SLC9A9: variants seen among roughly 807,000 people sequenced by gnomAD.
The protein encoded by SLC9A9 is solute carrier family 9 member A9.
SLC9A9 carries 62 observed loss-of-function variants against 77.8 expected under a neutral mutation model. That is an observed-to-expected ratio of 0.80 (90% CI 0.65 to 0.98). The LOEUF is 0.98. Ranked by LOEUF, SLC9A9 falls within the 50% of genes least tolerant of loss-of-function variation. SLC9A9 has a pLI of 0.00. For missense variants in SLC9A9, 775 were observed against 774.9 expected (o/e 1.00, Z 0.00); for synonymous variants, 320 against 283.5 (o/e 1.13, Z -1.29).
At chr3:143,493,063 AT>A (rs1283313244) in intron 11 of SLC9A9, among the ~76,000 whole-genome samples, 3 of 152,210 alleles carry the variant, frequency 2.0e-5, no homozygotes, top group African/African-American at 7.2e-5. Flanking sequence ...TAGAACACAA[AT>A]GTCTTGAGAA....
chr3:143,779,490 G>C (rs1261217292), intron 4 of SLC9A9, among the ~76,000 whole-genome samples: 1 of 152,136 alleles, frequency 6.6e-6, no homozygotes, highest in Admixed American at 6.5e-5. Context: ...TCCTGCCTCA[G>C]CCTCTGGAGT....
At chr3:143,532,301 C>T (rs1159948000) in intron 9 of SLC9A9, among the ~76,000 whole-genome samples, 1 of 152,122 alleles carries the variant, frequency 6.6e-6, no homozygotes, top group Non-Finnish European at 1.5e-5. Flanking sequence ...ACCACTGAAC[C>T]TGGTGTAGAG....
intron 2 of SLC9A9, among the ~76,000 whole-genome samples, chr3:143,802,492 T>A (rs1466621075): frequency 6.6e-6 from 1 of 152,164 alleles, no homozygotes; most frequent in Non-Finnish European, 1.5e-5. Flanking sequence ...TACCTCTTGG[T>A]CTGGGTAGAC....
In SLC9A9 at chr3:143,412,866, G is replaced by A. The variant is rs572957636; in HGVS notation, c.1470-30752C>T. On this transcript the variant is annotated intron_variant, in intron 12 of 15. Coordinates refer to ENST00000316549, the MANE Select transcript of SLC9A9 (RefSeq NM_173653.4). ...CAGTGTCTTACATGAAATGTGCCCA[G>A]GCTTTGTAGCAGGAATTGACAATGG... Among the ~76,000 whole-genome samples the A allele has an allele frequency of 1.2e-3, 180 of 152,236 alleles. 1 individual carries two copies. Among genetic ancestry groups the A allele is most frequent in the African/African-American group, 4.3e-3 (177 of 41,538 alleles).
intron 14 of SLC9A9, among the ~76,000 whole-genome samples, chr3:143,322,029 CTT>C (rs2031438999): frequency 6.6e-6 from 1 of 152,206 alleles, no homozygotes; most frequent in African/African-American, 2.4e-5. Flanking sequence ...CTTCCAATGA[CTT>C]CTCAGGAGAA....
At chr3:143,340,870 G>C (rs964311947) in intron 14 of SLC9A9, among the ~76,000 whole-genome samples, 1 of 152,168 alleles carries the variant, frequency 6.6e-6, no homozygotes, top group African/African-American at 2.4e-5. Flanking sequence ...ATGTGAAAAA[G>C]AGAGATTGGA....
At chr3:143,778,512 T>G (rs2007770000) in intron 4 of SLC9A9, among the ~76,000 whole-genome samples, 2 of 152,130 alleles carry the variant, frequency 1.3e-5, no homozygotes, top group South Asian at 4.2e-4. Flanking sequence ...TTTTCAGAAC[T>G]GTGTATCAGT....
At chr3:143,744,246 G>A (rs559752764) in intron 4 of SLC9A9, among the ~76,000 whole-genome samples, 63 of 152,044 alleles carry the variant, frequency 4.1e-4, no homozygotes, top group Non-Finnish European at 8.5e-4. Flanking sequence ...TCTTGCTTCT[G>A]GTGTCCTCAG....
At chr3:143,798,315 A>G (rs535510101) in intron 2 of SLC9A9, among the ~76,000 whole-genome samples, 2 of 152,212 alleles carry the variant, frequency 1.3e-5, no homozygotes, top group African/African-American at 4.8e-5. Context: ...CACTGTGGGG[A>G]TGCCTGCCTG....
intron 6 of SLC9A9, among the ~76,000 whole-genome samples, chr3:143,628,304 A>G (rs144964057): frequency 6.6e-6 from 1 of 152,198 alleles, no homozygotes; most frequent in Non-Finnish European, 1.5e-5. Context: ...TTTAATATAC[A>G]CCTAACCAAT....
intron 9 of SLC9A9, chr3:143,517,590 C>T: frequency 6.3e-7 from 1 of 1,597,550 alleles, no homozygotes; most frequent in Non-Finnish European, 8.5e-7. Context: ...GCATCTTCAT[C>T]ATAATCCAAT....
intron 8 of SLC9A9, among the ~76,000 whole-genome samples, chr3:143,553,693 A>G (rs1165077979): frequency 6.6e-6 from 1 of 152,230 alleles, no homozygotes. Context: ...TAAAATCTAC[A>G]TGACTTATTG....
At chr3:143,575,648 G>T (rs944759803) in intron 7 of SLC9A9, among the ~76,000 whole-genome samples, 4 of 152,092 alleles carry the variant, frequency 2.6e-5, no homozygotes, top group African/African-American at 9.7e-5. Flanking sequence ...GGAAGTCTTT[G>T]TTTCTAGTGA....
chr3:143,384,524 C>T (rs2033375769), intron 12 of SLC9A9, among the ~76,000 whole-genome samples: 2 of 152,160 alleles, frequency 1.3e-5, no homozygotes, highest in South Asian at 2.1e-4. Flanking sequence ...TTATAAGAAG[C>T]CCAACATTTA....
At chr3:143,443,140 T>C (rs2034777727) in intron 12 of SLC9A9, among the ~76,000 whole-genome samples, 1 of 151,036 alleles carries the variant, frequency 6.6e-6, no homozygotes, top group Non-Finnish European at 1.5e-5. Context: ...GCCACCCCTG[T>C]AGGGGAACAG....
At chr3:143,397,394 T>C (rs1282232093) in intron 12 of SLC9A9, among the ~76,000 whole-genome samples, 1 of 152,122 alleles carries the variant, frequency 6.6e-6, no homozygotes, top group African/African-American at 2.4e-5. Flanking sequence ...ACAAGTTACA[T>C]GGGAAAAAAG....
At chr3:143,333,870 C>T (rs1383696402) in intron 14 of SLC9A9, among the ~76,000 whole-genome samples, 1 of 151,692 alleles carries the variant, frequency 6.6e-6, no homozygotes, top group African/African-American at 2.4e-5. Context: ...CTTGTCTTTC[C>T]AGTTGTTTTT....
chr3:143,661,935 A>G (rs1452411390), intron 5 of SLC9A9, among the ~76,000 whole-genome samples: 1 of 130,688 alleles, frequency 7.7e-6, no homozygotes, highest in Non-Finnish European at 1.6e-5. Context: ...TATGTCTTAC[A>G]GATTCCCTAC....
intron 11 of SLC9A9, among the ~76,000 whole-genome samples, chr3:143,486,561 G>A (rs2035655749): frequency 6.6e-6 from 1 of 151,960 alleles, no homozygotes. Context: ...AGAGACTAAT[G>A]CATATTAAAG....
Sources: gnomAD v4.1 joint callset for allele counts (sites outside exome capture counted in the v4.1 genomes callset) on GRCh38, gnomAD v4.1.1 for gene constraint, MANE v1.5 for transcripts, NCBI Gene and HGNC (gene_info 2026-07-23, HGNC 2026-07-21) for gene names.